GON4L: variants seen among roughly 807,000 people sequenced by gnomAD.
GON4L encodes GON-4-like protein.
In GON4L, 87 loss-of-function variants were observed where a neutral mutation model predicts 211.8. That is an observed-to-expected ratio of 0.41 (90% confidence interval 0.35 to 0.49). The LOEUF (loss-of-function observed/expected upper bound fraction) is 0.49, where lower values mean the gene tolerates loss of function less well. Ranked by LOEUF, GON4L falls within the 20% of genes least tolerant of loss-of-function variation. The pLI is 0.15. For synonymous variants in GON4L, 875 were observed against 962.6 expected (o/e 0.91, Z 1.68); for missense variants, 2,155 against 2,659.5 (o/e 0.81, Z 4.17).
At chr1:155,858,378 T>G (rs1316996949), upstream of GON4L, among the ~76,000 whole-genome samples, 1 of 152,198 alleles carries the variant, frequency 6.6e-6, no homozygotes, top group East Asian at 1.9e-4. Context: ...GTAAACAGAA[T>G]CCAACGGATG....
rs1473294605 is a variant in GON4L at position 155,765,299 on chromosome 1, A to T, written c.4174T>A (p.Ser1392Thr). 2.5e-6 allele frequency: 4 copies of T among 1,614,196 alleles called. No individual in the cohort carries two copies. Among genetic ancestry groups the T allele is most frequent in the Non-Finnish European group, 3.4e-6 (4 of 1,180,036 alleles). The stretch of plus-strand genomic sequence containing the variant: ...CCTTCATCAGGGGGCTCTTGAGAAG[A>T]TGAAGGGGTTTTAGTTGGCTGACTC... ...ERSQPTKTPSSSQEPPDEGTS... is the reference protein window; with the variant it reads ...ERSQPTKTPSTSQEPPDEGTS... Residue 1392 changes from serine (S) to threonine (T), a missense_variant, in exon 21 of 32, where the codon TCT becomes ACT. This residue lies in a region of GON4L where 615 missense variants were observed against 625.7 expected (regional missense o/e 0.98). Coordinates refer to ENST00000368331, the MANE Select transcript of GON4L (RefSeq NM_001282860.2).
At chr1:155,808,934 A>T (rs1016517507) in intron 10 of GON4L, among the ~76,000 whole-genome samples, 18 of 151,766 alleles carry the variant, frequency 1.2e-4, no homozygotes, top group Admixed American at 3.3e-4. Context: ...ATTTTTTTTA[A>T]AAAAGTTCTC....
chr1:155,821,712 GA>G (rs1668760109), intron 4 of GON4L, among the ~76,000 whole-genome samples, 164 bp from the exon 5 acceptor site: 1 of 152,246 alleles, frequency 6.6e-6, no homozygotes, highest in Non-Finnish European at 1.5e-5. Flanking sequence ...AAAGAAGGCA[GA>G]AGTAAGTTTT....
At chr1:155,755,172 G>T (rs1042401485) in intron 27 of GON4L, among the ~76,000 whole-genome samples, 1 of 150,520 alleles carries the variant, frequency 6.6e-6, no homozygotes, top group South Asian at 2.1e-4. Flanking sequence ...CCGGGATCAA[G>T]CGATTCCCAT....
chr1:155,807,165 C>A (rs1667211068), intron 10 of GON4L, among the ~76,000 whole-genome samples: 1 of 151,414 alleles, frequency 6.6e-6, no homozygotes, highest in South Asian at 2.1e-4. Context: ...CCTTGATAGG[C>A]TGTGGTGACA....
chr1:155,849,645 G>A (rs573494362), intron 2 of GON4L, among the ~76,000 whole-genome samples: 1 of 150,780 alleles, frequency 6.6e-6, no homozygotes, highest in South Asian at 2.1e-4. Context: ...GTGGTGGTGG[G>A]TGCCTGTAAT....
chr1:155,839,313 T>C (rs914937682), intron 2 of GON4L, among the ~76,000 whole-genome samples: 3 of 152,078 alleles, frequency 2.0e-5, no homozygotes, highest in African/African-American at 7.2e-5. Context: ...AAGGATCTTA[T>C]ATGGTATTGT....
chr1:155,756,500 G>A (rs1313574460), intron 27 of GON4L: 3 of 164,798 alleles, frequency 1.8e-5, no homozygotes, highest in Non-Finnish European at 2.6e-5. Flanking sequence ...TTTGTTCTCC[G>A]TGATCGTCTC....
chr1:155,773,209 C>G lies in GON4L; in HGVS notation c.2352G>C (p.Ala784=), dbSNP rs757583783. The G allele has an allele frequency of 3.1e-6, 5 of 1,613,948 alleles. No homozygotes were observed. The highest frequency in any genetic ancestry group is 4.5e-5 in the East Asian group (2 of 44,884). ...GCTTTGGCAAACAGGGAAATTCATT[C>G]GCTATAAGAAAATAAATCTCGGATA... ...CSPHKTVKKT[A]NEFPCLPKQV... Residue 784 remains alanine, a splice_region_variant and synonymous_variant, in exon 18 of 32, where the codon GCG becomes GCC. Coordinates refer to ENST00000368331, the MANE Select transcript of GON4L (RefSeq NM_001282860.2).
Position 155,822,287 on chromosome 1 carries a change from T to C in GON4L, c.887A>G (p.His296Arg). ...CATAACTGCCCCAGTCTTACTCACATGAAGGATGTTTCGGACATTGACTGC... is the reference window on the plus strand; with the variant it reads ...CATAACTGCCCCAGTCTTACTCACACGAAGGATGTTTCGGACATTGACTGC... ...LTAVNVRNIL[H>R]EVITNEHVVA... is the part of the protein sequence containing the mutation. The change falls in exon 4 of 32, where the codon CAT (histidine) becomes CGT (arginine). Residue 296 changes from histidine (H) to arginine (R), a missense_variant and splice_region_variant. By Grantham distance (29) the His-to-Arg change is conservative. Around this residue, in one of 6 missense-constraint regions of GON4L, gnomAD observed 551 missense variants for 854.0 expected, o/e 0.65. Transcript: ENST00000368331. 1 of 1,611,944 alleles carries C rather than the reference T, an allele frequency of 6.2e-7. No individual in the cohort carries two copies. Among genetic ancestry groups the C allele is most frequent in the Non-Finnish European group, 8.5e-7 (1 of 1,177,968 alleles).
rs747361799 is a variant in GON4L at position 155,765,399 on chromosome 1, A to G, written c.4074T>C (p.Thr1358=). Residue 1358 remains threonine, a synonymous_variant, in exon 21 of 32, where the codon ACT becomes ACC. Coordinates refer to ENST00000368331, the MANE Select transcript of GON4L (RefSeq NM_001282860.2). ...IKVEHAVELD[T]GAPSEELSSA... ...TGCTCAACTCCTCGCTTGGGGCACC[A>G]GTGTCCAATTCCACAGCATGTTCCA... 5.6e-6 allele frequency: 9 copies of G among 1,614,048 alleles called. No individual in the cohort carries two copies. In the South Asian group the frequency reaches 9.9e-5, roughly 18 times the overall value.
Position 155,782,606 on chromosome 1 carries a change from C to T in GON4L, c.1892+1380G>A, listed in dbSNP as rs537159190. ...TATATGACTGTATTCTACTGAATAC[C>T]AGAAGGTAACTGAATTCTAACAAGA... is the stretch of plus-strand genomic sequence containing the variant. On this transcript the variant is annotated intron_variant, in intron 14 of 31. Transcript: ENST00000368331. 5.9e-5 allele frequency among the ~76,000 whole-genome samples: 9 copies of T among 152,234 alleles called. No homozygotes were observed. In the South Asian group the frequency reaches 1.9e-3, roughly 32 times the overall value.
In GON4L at chr1:155,757,244, C is replaced by G; in HGVS notation, c.5333G>C (p.Arg1778Pro). 6.2e-7 allele frequency: 1 copy of G among 1,613,906 alleles called. No homozygotes were observed. Among genetic ancestry groups the G allele is most frequent in the Non-Finnish European group, 8.5e-7 (1 of 1,179,840 alleles). Residue 1778 changes from arginine to proline, a missense_variant, in exon 26 of 32, where the codon CGC (arginine) becomes CCC (proline). Physicochemically the swap from Arg to Pro is moderately radical, Grantham distance 103. This residue lies in a region of GON4L where 455 missense variants were observed against 504.6 expected (regional missense o/e 0.90). Transcript: ENST00000368331. ...GTCACCCATCCGGCTAGCTGCTGGG[C>G]GCAAGTGGTCAAAGAAGATAGAAAA... ...DEFSIFFDHL[R>P]PAASRMGDFE...
At chr1:155,778,542 T>C (rs1013655892) in intron 14 of GON4L, among the ~76,000 whole-genome samples, 50 of 152,146 alleles carry the variant, frequency 3.3e-4, no homozygotes, top group Admixed American at 3.3e-4. Flanking sequence ...TAAGCCACCA[T>C]GCCTAGCCCT....
At chr1:155,791,396 G>C (rs1262300280) in intron 12 of GON4L, among the ~76,000 whole-genome samples, 1 of 151,520 alleles carries the variant, frequency 6.6e-6, no homozygotes, top group Non-Finnish European at 1.5e-5. Flanking sequence ...ATCCAGAGAA[G>C]AGTAATGTGC....
At chr1:155,858,979 G>T, upstream of GON4L, among the ~76,000 whole-genome samples, 1 of 152,138 alleles carries the variant, frequency 6.6e-6, no homozygotes, top group Non-Finnish European at 1.5e-5. Flanking sequence ...ACAGGCATGA[G>T]CCACCGTGCC....
At chr1:155,816,378 C>G in intron 6 of GON4L, 116 bp from the exon 7 acceptor site, 5 of 633,086 alleles carry the variant, frequency 7.9e-6, no homozygotes, top group Non-Finnish European at 1.2e-5. Context: ...CTGCAGTGAT[C>G]TAGAGGTGTT....
intron 2 of GON4L, among the ~76,000 whole-genome samples, chr1:155,833,738 G>GGAGGAGA (rs1670021326): frequency 3.0e-5 from 2 of 66,420 alleles, no homozygotes; most frequent in Non-Finnish European, 5.4e-5. Flanking sequence ...GGGAGGAGAG[G>GGAGGAGA]GGAGGAGAGG....
rs780899717 is a variant in GON4L at position 155,765,991 on chromosome 1, C to G, written c.3482G>C (p.Cys1161Ser). Residue 1161 changes from cysteine (C) to serine (S), a missense_variant, in exon 21 of 32, where the codon TGT (cysteine) becomes TCT (serine). Physicochemically the swap from Cys to Ser is moderately radical, Grantham distance 112. Coordinates refer to ENST00000368331, the MANE Select transcript of GON4L (RefSeq NM_001282860.2). ...CGCATTGACAGGCTGGATCATGTTACAGCCACCGCCAAGGCTCACAATCTT... is the reference window on the plus strand; with the variant it reads ...CGCATTGACAGGCTGGATCATGTTAGAGCCACCGCCAAGGCTCACAATCTT... ...TVKIVSLGGG[C>S]NMIQPVNAAV... 1.2e-6 allele frequency: 2 copies of G among 1,614,164 alleles called. No homozygotes were observed. The highest frequency in any genetic ancestry group is 1.7e-6 in the Non-Finnish European group (2 of 1,180,038).
Sources: gnomAD v4.1 joint callset for allele counts (sites outside exome capture counted in the v4.1 genomes callset) on GRCh38, gnomAD v4.1.1 for gene constraint, gnomAD v4.1.1 regional missense constraint, MANE v1.5 for transcripts, NCBI Gene and HGNC (gene_info 2026-07-23, HGNC 2026-07-21) for gene names.